Variants in CRPPA observed in about 807,000 individuals in gnomAD.
CRPPA encodes D-ribitol-5-phosphate cytidylyltransferase.
Under a neutral mutation model 52.0 loss-of-function variants are expected in CRPPA, and 43 were observed. That is an observed-to-expected ratio of 0.83 (90% CI 0.65 to 1.07). CRPPA has a LOEUF of 1.07. Among genes scored for constraint, CRPPA ranks in the 50% least tolerant of loss-of-function variants. The probability of loss-of-function intolerance (pLI) is 0.00; values close to 1 mark genes in which losing one functional copy is unlikely to be tolerated. For missense variants in CRPPA, 629 were observed against 551.7 expected (o/e 1.14, Z -1.40); for synonymous variants, 250 against 203.5 (o/e 1.23, Z -1.94).
At chr7:16,269,099 A>T (rs923053146) in intron 6 of CRPPA, 1 of 152,372 alleles carries the variant, frequency 6.6e-6, no homozygotes, top group East Asian at 1.9e-4. Context: ...TTGGCCCGGT[A>T]GAGAGGTACT....
intron 8 of CRPPA, among the ~76,000 whole-genome samples, chr7:16,258,139 G>GA (rs1237912459): frequency 6.6e-6 from 1 of 151,834 alleles, no homozygotes; most frequent in East Asian, 1.9e-4. Context: ...TTTAGTGAAG[G>GA]AAAAAAATAT....
At chr7:16,399,489 CAT>C (rs766272486) in intron 2 of CRPPA, among the ~76,000 whole-genome samples, 38 of 133,380 alleles carry the variant, frequency 2.8e-4, no homozygotes, top group Non-Finnish European at 5.1e-4. Flanking sequence ...TTGATCAACA[CAT>C]GTGACTCGTG....
chr7:16,313,216 G>A (rs13240761), intron 3 of CRPPA, among the ~76,000 whole-genome samples: 4 of 151,818 alleles, frequency 2.6e-5, no homozygotes, highest in African/African-American at 9.7e-5. Flanking sequence ...CATATATTAG[G>A]TGGTTAATTA....
intron 8 of CRPPA, among the ~76,000 whole-genome samples, chr7:16,232,120 A>G (rs987405556): frequency 3.3e-5 from 5 of 152,182 alleles, no homozygotes; most frequent in Non-Finnish European, 7.3e-5. Context: ...CTGTGCACCT[A>G]TGTGAGAAAA....
chr7:16,169,554 T>C (rs561399434), intron 9 of CRPPA, among the ~76,000 whole-genome samples: 2 of 152,340 alleles, frequency 1.3e-5, no homozygotes, highest in Admixed American at 1.3e-4. Flanking sequence ...TGGACAAGAA[T>C]GTAGGCAGCT....
At chr7:16,382,729 C>G (rs917969497) in intron 2 of CRPPA, among the ~76,000 whole-genome samples, 6 of 151,982 alleles carry the variant, frequency 3.9e-5, no homozygotes, top group Admixed American at 2.0e-4. Flanking sequence ...CTTCTGGCTT[C>G]ATTTCATTCA....
Position 16,181,152 on chromosome 7 carries a change from G to A in CRPPA, c.1251+34914C>T, listed in dbSNP as rs141639691. On this transcript the variant is annotated intron_variant, in intron 9 of 9. Transcript: ENST00000407010. The stretch of plus-strand genomic sequence containing the variant: ...TTAAAATTCTAATTTTAATTCTATT[G>A]AAAATTTTGAAAACACAACTATACG... Among the ~76,000 whole-genome samples the A allele has an allele frequency of 6.6e-5, 10 of 151,698 alleles. No homozygotes were observed. The East Asian group carries it at 1.7e-3, about 26-fold the overall frequency.
At chr7:16,405,853 T>C (rs1787939271) in intron 2 of CRPPA, among the ~76,000 whole-genome samples, 1 of 152,216 alleles carries the variant, frequency 6.6e-6, no homozygotes, top group Non-Finnish European at 1.5e-5. Flanking sequence ...ATACCTCATA[T>C]CACATTATGG....
intron 2 of CRPPA, among the ~76,000 whole-genome samples, chr7:16,398,624 ATGAC>A (rs939762835): frequency 2.0e-5 from 3 of 151,938 alleles, no homozygotes; most frequent in African/African-American, 4.8e-5. Context: ...CATCACCAAC[ATGAC>A]TGACACGTGA....
intron 8 of CRPPA, among the ~76,000 whole-genome samples, chr7:16,235,322 A>T (rs1156529479): frequency 2.6e-5 from 4 of 152,112 alleles, no homozygotes; most frequent in Non-Finnish European, 5.9e-5. Flanking sequence ...TGTATGAGTA[A>T]TACTTTAAAT....
chr7:16,394,664 C>A (rs973735198), intron 2 of CRPPA, among the ~76,000 whole-genome samples: 3 of 152,128 alleles, frequency 2.0e-5, no homozygotes, highest in Admixed American at 2.0e-4. Context: ...AGAGCAGAAA[C>A]CATCCATATT....
chr7:16,293,646 A>G (rs980719130), intron 5 of CRPPA, among the ~76,000 whole-genome samples: 5 of 151,994 alleles, frequency 3.3e-5, no homozygotes, highest in African/African-American at 1.2e-4. Context: ...AAATAAAGAC[A>G]TGCAAGAAAA....
At chr7:16,308,029 G>T (rs1327942999) in intron 4 of CRPPA, among the ~76,000 whole-genome samples, 1 of 152,074 alleles carries the variant, frequency 6.6e-6, no homozygotes, top group Non-Finnish European at 1.5e-5. Context: ...GAGGTGACTG[G>T]ATCGTGGGGG....
At chr7:16,264,975 T>A (rs1396160965) in intron 6 of CRPPA, among the ~76,000 whole-genome samples, 5 of 152,166 alleles carry the variant, frequency 3.3e-5, no homozygotes, top group African/African-American at 1.2e-4. Context: ...CTCAGTAAAA[T>A]GAGTACATCA....
chr7:16,413,574 C>A (rs1788120314), intron 1 of CRPPA, among the ~76,000 whole-genome samples: 1 of 152,228 alleles, frequency 6.6e-6, no homozygotes, highest in Non-Finnish European at 1.5e-5. Context: ...TTCCTGTTAT[C>A]TCAGCCTAAT....
chr7:16,348,354 C>A (rs892254459), intron 3 of CRPPA, among the ~76,000 whole-genome samples: 1 of 152,134 alleles, frequency 6.6e-6, no homozygotes, highest in African/African-American at 2.4e-5. Context: ...CAATTTTATA[C>A]GAGCAAACAA....
At chr7:16,280,730 C>A (rs1334600982) in intron 5 of CRPPA, among the ~76,000 whole-genome samples, 2 of 152,066 alleles carry the variant, frequency 1.3e-5, no homozygotes, top group African/African-American at 2.4e-5. Context: ...AATTCAAAAT[C>A]TATTTGCTGG....
intron 2 of CRPPA, among the ~76,000 whole-genome samples, chr7:16,405,039 G>A (rs1012224684): frequency 1.3e-5 from 2 of 151,728 alleles, no homozygotes; most frequent in Non-Finnish European, 2.9e-5. Flanking sequence ...AATTTCCTAC[G>A]GCAATTCAAA....
In CRPPA at chr7:16,193,065, G is replaced by A. The variant is rs185755728; in HGVS notation, c.1251+23001C>T. Among the ~76,000 whole-genome samples, 628 of 152,152 alleles carry A rather than the reference G, an allele frequency of 4.1e-3. 7 individuals are homozygous for A. Among genetic ancestry groups the A allele is most frequent in the African/African-American group, 0.015 (603 of 41,530 alleles). Reference sequence around the variant, plus strand: ...CATTTCCATGCAAATTTGAAAATCAGCTTGTCATTTTCAAAAATAAATGCC... The same window carrying A: ...CATTTCCATGCAAATTTGAAAATCAACTTGTCATTTTCAAAAATAAATGCC... On this transcript the variant is annotated intron_variant, in intron 9 of 9. Transcript: ENST00000407010.
Sources: gnomAD v4.1 joint callset for allele counts (sites outside exome capture counted in the v4.1 genomes callset) on GRCh38, gnomAD v4.1.1 for gene constraint, MANE v1.5 for transcripts, NCBI Gene and HGNC (gene_info 2026-07-23, HGNC 2026-07-21) for gene names.